Variants in ACOXL observed in about 807,000 individuals in gnomAD.
The protein encoded by ACOXL is acyl-CoA oxidase like.
Under a neutral mutation model 71.9 loss-of-function variants are expected in ACOXL, and 70 were observed. That is an observed-to-expected ratio of 0.97 (90% CI 0.80 to 1.19). ACOXL has a LOEUF of 1.19. ACOXL is among the 50% of genes most tolerant of loss of function. The pLI is 0.00. For synonymous variants in ACOXL, 253 were observed against 281.6 expected (o/e 0.90, Z 1.02); for missense variants, 703 against 736.3 (o/e 0.95, Z 0.52).
chr2:111,089,403 A>G (rs781205370), intron 16 of ACOXL, among the ~76,000 whole-genome samples: 6 of 152,250 alleles, frequency 3.9e-5, no homozygotes, highest in African/African-American at 1.2e-4. Flanking sequence ...GTCAGGTAAT[A>G]TTCCATTAAA....
rs1318946943 is a variant in ACOXL, at chr2:110,805,340, C to A, written c.698C>A (p.Ala233Glu). 1.1e-5 allele frequency: 17 copies of A among 1,614,242 alleles called. No individual in the cohort carries two copies. The highest frequency in any genetic ancestry group is 1.4e-5 in the Non-Finnish European group (17 of 1,180,042). ...AGTGCAAGATTCAATGCCATGCTGGCAGCACTGACCCCTTCGAGATTAGCT... is the reference window on the plus strand; with the variant it reads ...AGTGCAAGATTCAATGCCATGCTGGAAGCACTGACCCCTTCGAGATTAGCT... ...NKSARFNAML[A>E]ALTPSRLAVA... Residue 233 changes from alanine (A) to glutamate (E), a missense_variant, in exon 9 of 18, where the codon GCA becomes GAA. By Grantham distance (107) the Ala-to-Glu change is moderately radical. Transcript: ENST00000439055.
chr2:110,781,913 CAG>C (rs1272015189), intron 2 of ACOXL, among the ~76,000 whole-genome samples: 6 of 152,134 alleles, frequency 3.9e-5, no homozygotes, highest in Non-Finnish European at 7.3e-5. Flanking sequence ...GAGTTTATAA[CAG>C]ATTATTACAT....
chr2:110,948,430 C>T (rs1009309265), intron 12 of ACOXL, among the ~76,000 whole-genome samples: 1 of 152,136 alleles, frequency 6.6e-6, no homozygotes, highest in Non-Finnish European at 1.5e-5. Context: ...CATTCAACAC[C>T]ACCTCATTTA....
chr2:110,833,955 G>T (rs1385714965), intron 9 of ACOXL, among the ~76,000 whole-genome samples: 4 of 152,028 alleles, frequency 2.6e-5, no homozygotes, highest in Non-Finnish European at 4.4e-5. Flanking sequence ...GGGGTGAGAG[G>T]GGTCCACAAG....
chr2:110,761,080 AT>A (rs1195033350), intron 1 of ACOXL, among the ~76,000 whole-genome samples: 2 of 152,048 alleles, frequency 1.3e-5, no homozygotes, highest in Non-Finnish European at 2.9e-5. Flanking sequence ...GATTTCTCTA[AT>A]TTTTTCTCTC....
chr2:110,847,254 A>G (rs1006932320), intron 10 of ACOXL, among the ~76,000 whole-genome samples: 1 of 152,170 alleles, frequency 6.6e-6, no homozygotes, highest in Non-Finnish European at 1.5e-5. Flanking sequence ...GCAGTGCAGC[A>G]GAGTGAAGAA....
chr2:110,899,731 C>T (rs913113529), intron 10 of ACOXL, among the ~76,000 whole-genome samples: 3 of 152,024 alleles, frequency 2.0e-5, no homozygotes, highest in African/African-American at 4.8e-5. Flanking sequence ...CATTAGTATA[C>T]AATTTTAAAA....
chr2:110,935,889 G>A (rs1445156011), intron 12 of ACOXL, among the ~76,000 whole-genome samples: 1 of 152,112 alleles, frequency 6.6e-6, no homozygotes, highest in Non-Finnish European at 1.5e-5. Flanking sequence ...GATGTTTTCG[G>A]GATGAAACTG....
intron 12 of ACOXL, among the ~76,000 whole-genome samples, chr2:110,959,130 C>A (rs1171992901): frequency 6.6e-6 from 1 of 152,194 alleles, no homozygotes; most frequent in Non-Finnish European, 1.5e-5. Flanking sequence ...TGTGAATGGC[C>A]CCTTGGCCTG....
intron 16 of ACOXL, among the ~76,000 whole-genome samples, chr2:111,087,340 G>T (rs1013247673): frequency 6.6e-6 from 1 of 152,092 alleles, no homozygotes; most frequent in Non-Finnish European, 1.5e-5. Context: ...AGTCCAAATA[G>T]CCAAGGCAAT....
chr2:110,795,044 AT>A (rs1444026449), intron 5 of ACOXL, among the ~76,000 whole-genome samples: 1 of 152,152 alleles, frequency 6.6e-6, no homozygotes, highest in Non-Finnish European at 1.5e-5. Context: ...CTACAAAGGG[AT>A]AAACAAATGT....
chr2:110,942,636 A>G (rs1182579517), intron 12 of ACOXL, among the ~76,000 whole-genome samples: 1 of 152,032 alleles, frequency 6.6e-6, no homozygotes, highest in South Asian at 2.1e-4. Context: ...CTGTAATCCC[A>G]GCACTTTGGG....
At chr2:110,776,597 A>T (rs1231321832) in intron 2 of ACOXL, among the ~76,000 whole-genome samples, 2 of 152,018 alleles carry the variant, frequency 1.3e-5, no homozygotes, top group Admixed American at 6.6e-5. Context: ...AGCAGTCATG[A>T]AGGGCCTAAG....
chr2:110,769,294 G>A lies in ACOXL; in HGVS notation c.75+830G>A, dbSNP rs548957032. On this transcript the variant is annotated intron_variant, in intron 2 of 17. Coordinates refer to ENST00000439055, the MANE Select transcript of ACOXL (RefSeq NM_001142807.4). Reference sequence around the variant, plus strand: ...ATACATGATTAGTGAGTTCCTTTGTGTCAGTATTAGGAGTGATGTATTTTA... The same window carrying A: ...ATACATGATTAGTGAGTTCCTTTGTATCAGTATTAGGAGTGATGTATTTTA... Among the ~76,000 whole-genome samples, 40 of 152,072 alleles carry A rather than the reference G, an allele frequency of 2.6e-4. 1 individual carries two copies. The highest frequency in any genetic ancestry group is 8.9e-4 in the African/African-American group (37 of 41,376).
intron 10 of ACOXL, among the ~76,000 whole-genome samples, chr2:110,889,546 A>G (rs182656980): frequency 5.9e-5 from 9 of 152,280 alleles, no homozygotes; most frequent in Non-Finnish European, 1.3e-4. Flanking sequence ...TTCTGTCTCT[A>G]TAGATTTACC....
chr2:110,755,303 T>A (rs1679520973), intron 1 of ACOXL, among the ~76,000 whole-genome samples: 3 of 152,102 alleles, frequency 2.0e-5, no homozygotes, highest in Non-Finnish European at 4.4e-5. Context: ...ACACTAATAT[T>A]TGCCTAATCT....
intron 10 of ACOXL, among the ~76,000 whole-genome samples, chr2:110,842,687 T>C (rs1205694553): frequency 6.6e-6 from 1 of 152,174 alleles, no homozygotes; most frequent in East Asian, 1.9e-4. Flanking sequence ...TCTGTGGTCC[T>C]GTGTCTTCAG....
chr2:110,737,945 C>T (rs1303396254), intron 1 of ACOXL, among the ~76,000 whole-genome samples: 6 of 152,182 alleles, frequency 3.9e-5, no homozygotes, highest in East Asian at 1.9e-4. Context: ...TGGTTTGTGT[C>T]GCCTCCCCTT....
chr2:111,117,537 G>A lies in ACOXL; in HGVS notation c.1543-79G>A, dbSNP rs909831066. On this transcript the variant is annotated intron_variant, in intron 17 of 17. Transcript: ENST00000439055. ...GGGGCCGCTGTGTGTGCGGGTGCTT[G>A]GTGGGCTGAAAGCTGCTGTCACTAG... 6 of 1,440,106 alleles carry A rather than the reference G, an allele frequency of 4.2e-6. 1 individual carries two copies. The highest frequency in any genetic ancestry group is 9.6e-7 in the Non-Finnish European group (1 of 1,046,556). 89.2% of individuals were successfully genotyped at this position (1,440,106 alleles called of 1,614,324 possible). A position where few individuals can be genotyped will look rare whatever the true frequency, so the allele number is the denominator to read the frequency against.
Sources: allele counts gnomAD v4.1 joint callset (sites outside exome capture counted in the v4.1 genomes callset), GRCh38; gene constraint gnomAD v4.1.1; transcripts MANE v1.5; gene names NCBI Gene and HGNC (gene_info 2026-07-23, HGNC 2026-07-21).